DERL1: variants seen among roughly 807,000 people sequenced by gnomAD.
DERL1 encodes the protein derlin-1.
Under a neutral mutation model 41.6 loss-of-function variants are expected in DERL1, and 24 were observed. That is an observed-to-expected ratio of 0.58 (90% CI 0.42 to 0.81). The LOEUF is 0.81. Among genes scored for constraint, DERL1 ranks in the 30% least tolerant of loss-of-function variants. The pLI is 0.00. For missense variants in DERL1, 260 were observed against 314.3 expected, an observed-to-expected ratio of 0.83 and a Z score of 1.31; for synonymous variants, 124 against 112.5, an observed-to-expected ratio of 1.10 and a Z score of -0.65.
At position 123,016,533 on chromosome 8, in the gene DERL1, G is replaced by A. The variant is rs1814574228; in HGVS notation, c.618-948C>T. On this transcript the variant is annotated intron_variant, in intron 7 of 7. Coordinates refer to ENST00000259512, the MANE Select transcript of DERL1 (RefSeq NM_024295.6). ...CAGTTACTATGTGAATTTACTCAGT[G>A]ATTATTGCCTTACACTAGGTGCTGC... 3.9e-5 allele frequency: 6 copies of A among 152,160 alleles called. No individual in the cohort carries two copies. In the South Asian group the frequency reaches 1.2e-3, roughly 32 times the overall value. 9.4% of individuals were successfully genotyped at this position (152,160 alleles called of 1,614,324 possible). A position where few individuals can be genotyped will look rare whatever the true frequency, so the allele number is the denominator to read the frequency against.
chr8:123,021,347 T>G, intron 6 of DERL1, 100 bp downstream of exon 6: 2 of 1,134,770 alleles, frequency 1.8e-6, no homozygotes, highest in Non-Finnish European at 2.6e-6. Flanking sequence ...TGCGTCAATG[T>G]TGAGATTCTT....
rs1156620364 is a variant in DERL1 at position 123,025,060 on chromosome 8, A to G, written c.266-10T>C. On this transcript the variant is annotated splice_polypyrimidine_tract_variant and intron_variant, in intron 2 of 7. Transcript: ENST00000259512. ...CTCCCATCAAAAGCTCCTGGAAACA[A>G]AAACAAGCCAAATGTCATGGTTCAG... The G allele has an allele frequency of 1.2e-6, 2 of 1,612,552 alleles. No homozygotes were observed. Among genetic ancestry groups the G allele is most frequent in the Admixed American group, 3.3e-5 (2 of 59,886 alleles).
intron 7 of DERL1, 75 bp downstream of exon 7, chr8:123,019,119 CT>C (rs1315541607): frequency 1.9e-6 from 2 of 1,026,142 alleles, no homozygotes; most frequent in Non-Finnish European, 3.0e-6. Context: ...AATCATACTC[CT>C]CATGGAGCTC....
At position 123,031,249 on chromosome 8, in the gene DERL1, T is replaced by C. The variant is rs191789644; in HGVS notation, c.154-533A>G. Reference sequence around the variant, plus strand: ...AAACAAACAAAACATAAGAAGGGTCTAAAGTAACAAGCAGGCCAGGTTCGG... The same window carrying C: ...AAACAAACAAAACATAAGAAGGGTCCAAAGTAACAAGCAGGCCAGGTTCGG... On this transcript the variant is annotated intron_variant, in intron 1 of 7. Coordinates refer to ENST00000259512, the MANE Select transcript of DERL1 (RefSeq NM_024295.6). Among the ~76,000 whole-genome samples the C allele has an allele frequency of 5.4e-4, 82 of 152,206 alleles. No homozygotes were observed. In the Middle Eastern group the frequency reaches 0.014, roughly 25 times the overall value.
intron 4 of DERL1, 90 bp downstream of exon 4, chr8:123,023,623 G>T: frequency 1.6e-6 from 2 of 1,263,032 alleles, no homozygotes; most frequent in Non-Finnish European, 2.2e-6. Flanking sequence ...TAACCCCATA[G>T]TTAATGCAAT....
At chr8:123,033,580 C>T (rs555867530) in intron 1 of DERL1, among the ~76,000 whole-genome samples, 2 of 152,112 alleles carry the variant, frequency 1.3e-5, no homozygotes, top group East Asian at 1.9e-4. Flanking sequence ...CTTGTCTCTA[C>T]TAAAAACACA....
chr8:123,022,470 G>A (rs369398830), intron 5 of DERL1, among the ~76,000 whole-genome samples: 8 of 147,916 alleles, frequency 5.4e-5, no homozygotes, highest in Admixed American at 2.0e-4. Context: ...TGAGGGGCCC[G>A]AGGTACAGAG....
intron 1 of DERL1, among the ~76,000 whole-genome samples, chr8:123,033,123 A>G (rs1025655856): frequency 6.6e-6 from 1 of 152,102 alleles, no homozygotes; most frequent in Non-Finnish European, 1.5e-5. Context: ...TCAGCCTCCC[A>G]AAGTGCTGAA....
In DERL1 at chr8:123,013,490, C is replaced by T. The variant is rs15091; in HGVS notation, c.*1957G>A. 7 of 151,954 alleles carry T rather than the reference C, an allele frequency of 4.6e-5. No individual in the cohort carries two copies. The highest frequency in any genetic ancestry group is 1.0e-4 in the Non-Finnish European group (7 of 67,980). The allele number at this position is 151,954 out of a possible 1,614,324, so 9.4% of individuals were successfully genotyped here. On this transcript the variant is annotated 3_prime_UTR_variant, in exon 8 of 8. Transcript: ENST00000259512. ...CATGTTTTGCCTTGTCAAGTCAAAA[C>T]TCAAATAGCTTGTTTTGGTAAAATT...
At chr8:123,032,662 G>A (rs1175101058) in intron 1 of DERL1, among the ~76,000 whole-genome samples, 1 of 152,180 alleles carries the variant, frequency 6.6e-6, no homozygotes, top group East Asian at 1.9e-4. Flanking sequence ...GAATGAGGAA[G>A]AGATCCAACT....
rs925362976 is a variant in DERL1, at chr8:123,018,059, A to G, written c.617+1136T>C. 2.0e-5 allele frequency: 3 copies of G among 152,218 alleles called. 1 individual carries two copies. The highest frequency in any genetic ancestry group is 4.4e-5 in the Non-Finnish European group (3 of 68,046). The allele number at this position is 152,218 out of a possible 1,614,324, so 9.4% of individuals were successfully genotyped here. ...TCTTTGAAAAACATACCCCTACCCT[A>G]TAAAAGGAAGGGGAGAAAGAGGAGG... On this transcript the variant is annotated intron_variant, in intron 7 of 7. Coordinates refer to ENST00000259512, the MANE Select transcript of DERL1 (RefSeq NM_024295.6).
rs1157952606 is a variant in DERL1, at chr8:123,015,399, C to A, written c.*48G>T. On this transcript the variant is annotated 3_prime_UTR_variant, in exon 8 of 8. Coordinates refer to ENST00000259512, the MANE Select transcript of DERL1 (RefSeq NM_024295.6). ...ACGCAGTTGTTAAGTGCACCCAGCA[C>A]TGGGAGGAAATGTGGCTTGAGAGGA... 1.2e-6 allele frequency: 2 copies of A among 1,600,370 alleles called. No individual in the cohort carries two copies. Among genetic ancestry groups the A allele is most frequent in the African/African-American group, 1.3e-5 (1 of 74,878 alleles).
chr8:123,015,527 T>C lies in DERL1; in HGVS notation c.676A>G (p.Ser226Gly), dbSNP rs773906113. 11 of 1,613,176 alleles carry C rather than the reference T, an allele frequency of 6.8e-6. No homozygotes were observed. In the Middle Eastern group the frequency reaches 4.9e-4, roughly 72 times the overall value. ...GVSGFGVPPA[S>G]MRRAADQNGG... ...TTCTGATCAGCAGCTCGCCTCATGC[T>C]AGCAGGGGGCACACCAAATCCTGAT... The change falls in exon 8 of 8, where the codon AGC becomes GGC. Residue 226 changes from serine (S) to glycine (G), a missense_variant. Transcript: ENST00000259512.
intron 2 of DERL1, 73 bp from the exon 3 acceptor site, chr8:123,025,123 T>A: frequency 6.8e-7 from 1 of 1,480,982 alleles, no homozygotes; most frequent in Non-Finnish European, 9.1e-7. Context: ...AGAGAAACAC[T>A]TCAAAAAGTT....
chr8:123,025,009 G>C lies in DERL1; in HGVS notation c.307C>G (p.Leu103Val). The change falls in exon 3 of 8, where the codon CTC becomes GTC. Residue 103 changes from leucine to valine, a missense_variant. Leu to Val is a conservative substitution (Grantham distance 32). Transcript: ENST00000259512. Reference sequence around the variant, plus strand: ...ACCACGATGCAAATCCAGTTAAAGAGGAGCATGAATAAATAGTCTGCTGGC... The same window carrying C: ...ACCACGATGCAAATCCAGTTAAAGACGAGCATGAATAAATAGTCTGCTGGC... ...GRPADYLFMLLFNWICIVITG... is the reference protein window; with the variant it reads ...GRPADYLFMLVFNWICIVITG... The C allele has an allele frequency of 1.2e-6, 2 of 1,613,594 alleles. No homozygotes were observed. The highest frequency in any genetic ancestry group is 1.1e-5 in the South Asian group (1 of 90,970).
In DERL1 at chr8:123,041,945, C is replaced by T. The variant is rs754975162; in HGVS notation, c.153+25G>A. 2 of 1,586,074 alleles carry T rather than the reference C, an allele frequency of 1.3e-6. 1 individual carries two copies. The highest frequency in any genetic ancestry group is 2.3e-5 in the South Asian group (2 of 87,664). On this transcript the variant is annotated intron_variant, in intron 1 of 7. Coordinates refer to ENST00000259512, the MANE Select transcript of DERL1 (RefSeq NM_024295.6). Reference sequence around the variant, plus strand: ...TGGGCCTCCTGGGGCCTGTAGTCTCCACGCCCCCCGTCTCCGGTAAGTACC... The same window carrying T: ...TGGGCCTCCTGGGGCCTGTAGTCTCTACGCCCCCCGTCTCCGGTAAGTACC...
chr8:123,018,898 C>T (rs961249477), intron 7 of DERL1: 4 of 383,682 alleles, frequency 1.0e-5, no homozygotes, highest in East Asian at 6.2e-5. Context: ...CCTACTGTTT[C>T]GCACTCTGGA....
chr8:123,025,136 A>G (rs1232803331), intron 2 of DERL1, 86 bp from the exon 3 acceptor site: 3 of 1,388,318 alleles, frequency 2.2e-6, no homozygotes, highest in Non-Finnish European at 2.9e-6. Flanking sequence ...AAAAAGTTAC[A>G]GAAAAAGCCA....
At chr8:123,020,839 G>A (rs1196988909) in intron 6 of DERL1, among the ~76,000 whole-genome samples, 2 of 149,076 alleles carry the variant, frequency 1.3e-5, no homozygotes, top group East Asian at 2.0e-4. Flanking sequence ...GGAGGCGGGC[G>A]CCTGTAATCC....
Sources: gnomAD v4.1 joint callset for allele counts (sites outside exome capture counted in the v4.1 genomes callset) on GRCh38, gnomAD v4.1.1 for gene constraint, MANE v1.5 for transcripts, NCBI Gene and HGNC (gene_info 2026-07-23, HGNC 2026-07-21) for gene names.